CFAP43: variants seen among roughly 807,000 people sequenced by gnomAD.
CFAP43 encodes cilia and flagella associated protein 43.
CFAP43 carries 155 observed loss-of-function variants against 218.9 expected under a neutral mutation model. That is an observed-to-expected ratio of 0.71 (90% CI 0.62 to 0.81). The LOEUF (loss-of-function observed/expected upper bound fraction) is 0.81. Among genes scored for constraint, CFAP43 ranks in the 30% least tolerant of loss-of-function variants. CFAP43 has a pLI of 0.00. For synonymous variants in CFAP43, 645 were observed against 681.3 expected, an observed-to-expected ratio of 0.95 and a Z score of 0.83; for missense variants, 1,778 against 1,954.3, an observed-to-expected ratio of 0.91 and a Z score of 1.70.
chr10:104,212,480 C>T (rs2090894334), intron 4 of CFAP43, among the ~76,000 whole-genome samples: 1 of 152,164 alleles, frequency 6.6e-6, no homozygotes, highest in African/African-American at 2.4e-5. Flanking sequence ...AAATATTTGT[C>T]CCTCCTCAAG....
At chr10:104,149,906 C>G (rs2088165283) in intron 28 of CFAP43, among the ~76,000 whole-genome samples, 1 of 152,136 alleles carries the variant, frequency 6.6e-6, no homozygotes, top group African/African-American at 2.4e-5. Context: ...AATTCTTTAG[C>G]CGTCATTTCC....
chr10:104,147,136 T>A (rs552120561), intron 29 of CFAP43, among the ~76,000 whole-genome samples: 58 of 151,670 alleles, frequency 3.8e-4, no homozygotes, highest in African/African-American at 1.3e-3. Context: ...GCTGCTGCTC[T>A]ATTACACACT....
intron 20 of CFAP43, among the ~76,000 whole-genome samples, chr10:104,172,123 T>C (rs1460575765): frequency 6.6e-6 from 1 of 152,280 alleles, no homozygotes; most frequent in East Asian, 1.9e-4. Flanking sequence ...TGGCATGAGG[T>C]GGCTGAGAAG....
rs1036828208 is a variant in CFAP43, at chr10:104,232,332, G to T, written c.-86C>A. The stretch of plus-strand genomic sequence containing the variant: ...TACCTTTCCGCCGCCGCGGGGCTGC[G>T]GGCCGCGACGCCGCTGCTGTGTACA... On this transcript the variant is annotated 5_prime_UTR_variant, in exon 1 of 38. Transcript: ENST00000357060. 17 of 1,335,176 alleles carry T rather than the reference G, an allele frequency of 1.3e-5. No individual in the cohort carries two copies. Among genetic ancestry groups the T allele is most frequent in the East Asian group, 2.7e-5 (1 of 37,696 alleles). 82.7% of individuals were successfully genotyped at this position (1,335,176 alleles called of 1,614,324 possible).
chr10:104,182,634 A>G, intron 16 of CFAP43, 121 bp from the exon 17 acceptor site: 1 of 953,548 alleles, frequency 1.0e-6, no homozygotes, highest in Non-Finnish European at 1.4e-6. Context: ...CCAAGGAAAT[A>G]TGTGGACAAT....
intron 23 of CFAP43, among the ~76,000 whole-genome samples, 192 bp from the exon 24 acceptor site, chr10:104,164,492 G>T (rs1041646838): frequency 6.6e-6 from 1 of 151,738 alleles, no homozygotes; most frequent in African/African-American, 2.4e-5. Flanking sequence ...CCGCCTCCCG[G>T]GTTCACGCCA....
intron 13 of CFAP43, 107 bp downstream of exon 13, chr10:104,188,163 C>T: frequency 7.1e-7 from 1 of 1,410,438 alleles, no homozygotes; most frequent in East Asian, 2.3e-5. Context: ...AAAAGGTGGC[C>T]ATTTTACCTC....
At chr10:104,152,784 T>G in intron 27 of CFAP43, 58 bp from the exon 28 acceptor site, 1 of 1,554,926 alleles carries the variant, frequency 6.4e-7, no homozygotes, top group Non-Finnish European at 8.6e-7. Context: ...TCCTAGGAAG[T>G]GATGTTTACA....
chr10:104,191,397 AT>A (rs1392549231), intron 12 of CFAP43, among the ~76,000 whole-genome samples: 16 of 152,100 alleles, frequency 1.1e-4, no homozygotes, highest in African/African-American at 3.9e-4. Flanking sequence ...AGGAATACTA[AT>A]ATGTCCTATC....
intron 6 of CFAP43, among the ~76,000 whole-genome samples, chr10:104,206,745 C>A (rs907626935): frequency 3.9e-5 from 6 of 152,200 alleles, no homozygotes; most frequent in Non-Finnish European, 7.4e-5. Context: ...CCCCCTCCTC[C>A]CAGGGTCTAC....
chr10:104,188,150 G>GA (rs1313732486), intron 13 of CFAP43, 120 bp downstream of exon 13: 1 of 1,279,766 alleles, frequency 7.8e-7, no homozygotes, highest in Non-Finnish European at 1.1e-6. Flanking sequence ...TGTAAAGATA[G>GA]ACAAAAGGTG....
intron 10 of CFAP43, 152 bp from the exon 11 acceptor site, chr10:104,194,166 C>T: frequency 1.4e-6 from 1 of 738,388 alleles, no homozygotes; most frequent in Non-Finnish European, 2.1e-6. Context: ...CCTCAACGTT[C>T]CTGAGCTGAT....
At chr10:104,222,450 C>G (rs2091206692) in intron 3 of CFAP43, among the ~76,000 whole-genome samples, 1 of 152,206 alleles carries the variant, frequency 6.6e-6, no homozygotes, top group African/African-American at 2.4e-5. Flanking sequence ...GGAAGAGTGT[C>G]TGTCTCCCAG....
intron 27 of CFAP43, among the ~76,000 whole-genome samples, chr10:104,156,691 C>A (rs1330491405): frequency 6.6e-6 from 1 of 152,230 alleles, no homozygotes; most frequent in Middle Eastern, 3.4e-3. Context: ...GGCTCGGATG[C>A]CACAAACCCA....
At chr10:104,200,222 G>T (rs775736486) in intron 8 of CFAP43, among the ~76,000 whole-genome samples, 1 of 151,460 alleles carries the variant, frequency 6.6e-6, no homozygotes, top group African/African-American at 2.4e-5. Flanking sequence ...GCTCTGGAAA[G>T]CTTTGTAATA....
At chr10:104,172,128 G>C (rs1231462071) in intron 20 of CFAP43, among the ~76,000 whole-genome samples, 1 of 152,178 alleles carries the variant, frequency 6.6e-6, no homozygotes, top group Non-Finnish European at 1.5e-5. Context: ...TGAGGTGGCT[G>C]AGAAGACTTC....
chr10:104,182,232 T>C, intron 17 of CFAP43, 134 bp downstream of exon 17: 1 of 1,015,850 alleles, frequency 9.8e-7, no homozygotes, highest in Non-Finnish European at 1.4e-6. Flanking sequence ...CTTATTCCCT[T>C]TTTGAAAATC....
Position 104,186,127 on chromosome 10 carries a change from C to T in CFAP43, c.1861-4G>A, listed in dbSNP as rs981180179. 6 of 1,472,954 alleles carry T rather than the reference C, an allele frequency of 4.1e-6. No homozygotes were observed. In the African/African-American group the frequency reaches 8.7e-5, roughly 21 times the overall value. The allele number at this position is 1,472,954 out of a possible 1,614,324, so 91.2% of individuals were successfully genotyped here. A position where few individuals can be genotyped will look rare whatever the true frequency, so the allele number is the denominator to read the frequency against. ...GAATGTAGATACCGGTATGTTCCTGCCAATCAAAGAAAATAACCACATTAT... is the reference window on the plus strand; with the variant it reads ...GAATGTAGATACCGGTATGTTCCTGTCAATCAAAGAAAATAACCACATTAT... On this transcript the variant is annotated splice_polypyrimidine_tract_variant and splice_region_variant and intron_variant, in intron 14 of 37. Transcript: ENST00000357060.
At chr10:104,151,397 C>T (rs1004144185) in intron 28 of CFAP43, among the ~76,000 whole-genome samples, 5 of 152,162 alleles carry the variant, frequency 3.3e-5, no homozygotes, top group Non-Finnish European at 7.4e-5. Context: ...CACAGCCTCA[C>T]CAGTATCTGT....
Sources: gnomAD v4.1 joint callset for allele counts (sites outside exome capture counted in the v4.1 genomes callset) on GRCh38, gnomAD v4.1.1 for gene constraint, MANE v1.5 for transcripts, NCBI Gene and HGNC (gene_info 2026-07-23, HGNC 2026-07-21) for gene names.